C3orf20: variants seen among roughly 807,000 people sequenced by gnomAD.
The protein encoded by C3orf20 is family with sequence similarity 149 member C.
C3orf20 carries 76 observed loss-of-function variants against 88.3 expected under a neutral mutation model. That is an observed-to-expected ratio of 0.86 (90% CI 0.72 to 1.04). The LOEUF is 1.04. C3orf20 is among the 50% of genes least tolerant of loss of function. The pLI is 0.00. For synonymous variants in C3orf20, 436 were observed against 437.4 expected, an observed-to-expected ratio of 1.00 and a Z score of 0.04; for missense variants, 1,056 against 1,123.3, an observed-to-expected ratio of 0.94 and a Z score of 0.86.
intron 1 of C3orf20, among the ~76,000 whole-genome samples, chr3:14,675,521 G>C (rs945436110): frequency 2.8e-5 from 4 of 144,318 alleles, no homozygotes; most frequent in Non-Finnish European, 6.1e-5. Flanking sequence ...GCTGTCACCT[G>C]GCCTATCGAT....
At chr3:14,714,395 C>T (rs1338025695) in intron 8 of C3orf20, among the ~76,000 whole-genome samples, 2 of 152,096 alleles carry the variant, frequency 1.3e-5, no homozygotes, top group Non-Finnish European at 1.5e-5. Flanking sequence ...CTTCCCAAGT[C>T]CTACTCCACT....
At chr3:14,687,733 CCTT>C (rs2032504982) in intron 4 of C3orf20, among the ~76,000 whole-genome samples, 2 of 152,214 alleles carry the variant, frequency 1.3e-5, no homozygotes, top group African/African-American at 2.4e-5. Context: ...CACTAACACT[CCTT>C]CTGATAAAGT....
At chr3:14,766,603 T>G (rs1292071564) in intron 15 of C3orf20, among the ~76,000 whole-genome samples, 2 of 152,182 alleles carry the variant, frequency 1.3e-5, no homozygotes, top group African/African-American at 4.8e-5. Context: ...AGTCACTATT[T>G]GCAGGCCCCT....
chr3:14,726,709 G>A (rs2034360505), intron 10 of C3orf20, among the ~76,000 whole-genome samples, 192 bp from the exon 11 acceptor site: 1 of 152,156 alleles, frequency 6.6e-6, no homozygotes, highest in Non-Finnish European at 1.5e-5. Context: ...CCGAGGAGAG[G>A]CCATGAGTCA....
intron 15 of C3orf20, 98 bp downstream of exon 15, chr3:14,761,713 C>T (rs1442760532): frequency 7.0e-5 from 29 of 416,272 alleles, no homozygotes; most frequent in African/African-American, 1.0e-4. Flanking sequence ...GGGGAGCAGG[C>T]GGGGCTGAAG....
At chr3:14,723,936 A>G (rs1464266504) in intron 10 of C3orf20, among the ~76,000 whole-genome samples, 2 of 152,010 alleles carry the variant, frequency 1.3e-5, no homozygotes, top group South Asian at 2.1e-4. Context: ...AGTGATTCTC[A>G]TGCCTTCAGA....
At chr3:14,734,982 C>G (rs2034660820) in intron 12 of C3orf20, among the ~76,000 whole-genome samples, 1 of 151,838 alleles carries the variant, frequency 6.6e-6, no homozygotes, top group South Asian at 2.1e-4. Context: ...CCTGTATTCT[C>G]TAGTATTAGT....
At chr3:14,710,505 G>GTTGCT (rs1392776367) in intron 7 of C3orf20, among the ~76,000 whole-genome samples, 1 of 152,014 alleles carries the variant, frequency 6.6e-6, no homozygotes, top group African/African-American at 2.4e-5. Flanking sequence ...CTTTCTGAGT[G>GTTGCT]TTGCTTTGCC....
intron 7 of C3orf20, among the ~76,000 whole-genome samples, chr3:14,707,423 G>A (rs955338369): frequency 2.0e-5 from 3 of 148,970 alleles, no homozygotes; most frequent in African/African-American, 7.5e-5. Flanking sequence ...ACCTAATGAC[G>A]AATGGCGTAG....
intron 7 of C3orf20, among the ~76,000 whole-genome samples, chr3:14,712,461 G>A (rs1333196075): frequency 6.6e-6 from 1 of 152,018 alleles, no homozygotes; most frequent in Non-Finnish European, 1.5e-5. Context: ...GATAGCCCTA[G>A]GAAACTAATT....
chr3:14,762,904 A>G (rs561283775), intron 15 of C3orf20, among the ~76,000 whole-genome samples: 35 of 152,314 alleles, frequency 2.3e-4, no homozygotes, highest in South Asian at 4.1e-4. Context: ...GGTCATGCCA[A>G]GTGACCCCCA....
chr3:14,723,435 G>C (rs1261782106), intron 10 of C3orf20, among the ~76,000 whole-genome samples: 1 of 152,210 alleles, frequency 6.6e-6, no homozygotes, highest in East Asian at 1.9e-4. Context: ...AGCACCTGCA[G>C]CAGGCCAAGT....
At chr3:14,698,073 C>A (rs1307170589) in intron 5 of C3orf20, among the ~76,000 whole-genome samples, 1 of 152,162 alleles carries the variant, frequency 6.6e-6, no homozygotes. Flanking sequence ...GGTATATACC[C>A]AGTAATGGGA....
intron 7 of C3orf20, among the ~76,000 whole-genome samples, chr3:14,710,301 A>G (rs1250563424): frequency 1.3e-5 from 2 of 151,836 alleles, no homozygotes; most frequent in African/African-American, 2.4e-5. Flanking sequence ...CAAAGATGCA[A>G]CTTTTGGTTT....
rs182924659 is a variant in C3orf20, at chr3:14,704,511, C to T, written c.1053C>T (p.His351=). Residue 351 remains histidine, a synonymous_variant, in exon 7 of 17, where the codon CAC becomes CAT. Transcript: ENST00000253697. The part of the protein sequence containing the change: ...AGAQTLSPTS[H]PSSANHHFSQ... ...CTCAGACTCTCAGCCCCACCTCTCA[C>T]CCATCTTCTGCCAACCATCATTTCA... 2 of 1,614,170 alleles carry T rather than the reference C, an allele frequency of 1.2e-6. No individual in the cohort carries two copies. The highest frequency in any genetic ancestry group is 3.3e-5 in the Admixed American group (2 of 60,020).
chr3:14,760,085 G>A (rs1320210538), intron 14 of C3orf20, 87 bp downstream of exon 14: 6 of 985,962 alleles, frequency 6.1e-6, no homozygotes, highest in Non-Finnish European at 9.7e-6. Flanking sequence ...GTGGGAGGAG[G>A]AGGAGAGAGG....
chr3:14,725,869 GA>G (rs34447337), intron 10 of C3orf20, among the ~76,000 whole-genome samples: 30,535 of 132,320 alleles, frequency 0.23, 3,187 homozygotes, highest in South Asian at 0.4. Context: ...CAAAGGCAGT[GA>G]AAAAAAAAAA....
At chr3:14,765,679 A>T (rs2035681302) in intron 15 of C3orf20, 1 of 152,824 alleles carries the variant, frequency 6.5e-6, no homozygotes, top group Admixed American at 6.5e-5. Flanking sequence ...TGAGCAGAGC[A>T]GGTGCAGGGA....
intron 13 of C3orf20, among the ~76,000 whole-genome samples, chr3:14,759,256 T>C (rs1166427080): frequency 1.3e-5 from 2 of 152,142 alleles, no homozygotes; most frequent in African/African-American, 4.8e-5. Flanking sequence ...TATTGTAGAC[T>C]GAAAGGATAG....
Sources: allele counts gnomAD v4.1 joint callset (sites outside exome capture counted in the v4.1 genomes callset), GRCh38; gene constraint gnomAD v4.1.1; transcripts MANE v1.5; gene names NCBI Gene and HGNC (gene_info 2026-07-23, HGNC 2026-07-21).